DERL1: variants seen among roughly 807,000 people sequenced by gnomAD.
The protein encoded by DERL1 is derlin-1.
A neutral mutation model predicts 41.6 loss-of-function variants in DERL1; 24 were observed. That is an observed-to-expected ratio of 0.58 (90% CI 0.42 to 0.81). The LOEUF is 0.81. Ranked by LOEUF, DERL1 falls within the 30% of genes least tolerant of loss-of-function variation. The pLI is 0.00. For missense variants in DERL1, 260 were observed against 314.3 expected (o/e 0.83, Z 1.31); for synonymous variants, 124 against 112.5 (o/e 1.10, Z -0.65).
intron 2 of DERL1, 54 bp downstream of exon 2, chr8:123,030,551 A>T: frequency 7.8e-7 from 1 of 1,289,630 alleles, no homozygotes; most frequent in East Asian, 2.4e-5. Flanking sequence ...AAGTAAACAC[A>T]TGGATTAGTA....
At chr8:123,027,325 TG>T (rs1812723006) in intron 2 of DERL1, among the ~76,000 whole-genome samples, 1 of 107,338 alleles carries the variant, frequency 9.3e-6, no homozygotes, top group Non-Finnish European at 1.9e-5. Flanking sequence ...AAAAATTTAG[TG>T]GTCTCCTAAG....
intron 7 of DERL1, 142 bp from the exon 8 acceptor site, chr8:123,015,727 T>A: frequency 9.2e-7 from 1 of 1,087,960 alleles, no homozygotes; most frequent in Non-Finnish European, 1.3e-6. Flanking sequence ...ACGTCTTATT[T>A]AACTTTGTCT....
chr8:123,026,285 C>T (rs1254783094), intron 2 of DERL1, among the ~76,000 whole-genome samples: 1 of 152,076 alleles, frequency 6.6e-6, no homozygotes, highest in African/African-American at 2.4e-5. Flanking sequence ...CACAATTTCC[C>T]GATTTTAATA....
intron 1 of DERL1, among the ~76,000 whole-genome samples, chr8:123,034,724 T>C (rs897936521): frequency 7.2e-5 from 11 of 152,224 alleles, no homozygotes; most frequent in Non-Finnish European, 1.5e-5. Context: ...CAGACACTTG[T>C]GTAATCCTGA....
chr8:123,030,555 A>G (rs1299208470), intron 2 of DERL1, 50 bp downstream of exon 2: 1 of 1,313,474 alleles, frequency 7.6e-7, no homozygotes, highest in Non-Finnish European at 1.1e-6. Flanking sequence ...AAACACATGG[A>G]TTAGTAAATG....
chr8:123,028,942 C>T (rs1040588280), intron 2 of DERL1, among the ~76,000 whole-genome samples: 10 of 151,994 alleles, frequency 6.6e-5, no homozygotes, highest in African/African-American at 1.2e-4. Context: ...CGGTTTAACA[C>T]CCATCCTTGT....
intron 7 of DERL1, 54 bp from the exon 8 acceptor site, chr8:123,015,639 A>G (rs1440343423): frequency 7.1e-6 from 11 of 1,552,140 alleles, no homozygotes; most frequent in Non-Finnish European, 9.6e-6. Flanking sequence ...AGTCACTTCC[A>G]CATAGTTATC....
chr8:123,030,537 T>C (rs1280669480), intron 2 of DERL1, 68 bp downstream of exon 2: 8 of 1,202,102 alleles, frequency 6.7e-6, no homozygotes, highest in Non-Finnish European at 9.5e-6. Context: ...TCCAAATTCC[T>C]CCAAAGTAAA....
chr8:123,025,993 G>T (rs777771207), intron 2 of DERL1, among the ~76,000 whole-genome samples: 1 of 148,990 alleles, frequency 6.7e-6, no homozygotes, highest in African/African-American at 2.5e-5. Flanking sequence ...AAAAAAAAAA[G>T]AAACAGAAAT....
At chr8:123,036,883 T>C (rs774877332) in intron 1 of DERL1, among the ~76,000 whole-genome samples, 63 of 152,204 alleles carry the variant, frequency 4.1e-4, no homozygotes, top group Non-Finnish European at 8.2e-4. Flanking sequence ...TTAAATGTGA[T>C]ATATAAGCAA....
chr8:123,019,090 C>A, intron 7 of DERL1, 105 bp downstream of exon 7: 1 of 780,322 alleles, frequency 1.3e-6, no homozygotes, highest in Non-Finnish European at 2.2e-6. Context: ...GTTTCTCCAG[C>A]AGATGGGGCA....
At chr8:123,019,328 T>C in intron 6 of DERL1, 23 bp from the exon 7 acceptor site, 1 of 1,539,848 alleles carries the variant, frequency 6.5e-7, no homozygotes, top group East Asian at 2.2e-5. Flanking sequence ...CCAAATGAGT[T>C]TAAAGACATT....
At position 123,042,156 on chromosome 8, in the gene DERL1, C is replaced by T. The variant is rs751005172; in HGVS notation, c.-34G>A. The T allele has an allele frequency of 1.9e-6, 3 of 1,562,520 alleles. No homozygotes were observed. The highest frequency in any genetic ancestry group is 2.4e-5 in the East Asian group (1 of 42,248). On this transcript the variant is annotated 5_prime_UTR_variant, in exon 1 of 8. Coordinates refer to ENST00000259512, the MANE Select transcript of DERL1 (RefSeq NM_024295.6). Reference sequence around the variant, plus strand: ...CACAGGTAGCCAAGATGCACAAGACCGCCCGACTCCCCGTGCCGACCCCCT... The same window carrying T: ...CACAGGTAGCCAAGATGCACAAGACTGCCCGACTCCCCGTGCCGACCCCCT...
intron 1 of DERL1, among the ~76,000 whole-genome samples, chr8:123,040,609 T>C (rs138050221): frequency 1.3e-5 from 2 of 152,304 alleles, no homozygotes; most frequent in East Asian, 1.9e-4. Context: ...CAGGACTTGA[T>C]GTAGGTTTTA....
At chr8:123,016,370 T>C (rs572064281) in intron 7 of DERL1, 85 of 152,330 alleles carry the variant, frequency 5.6e-4, no homozygotes, top group African/African-American at 1.8e-3. Flanking sequence ...ATGTTTAAAA[T>C]TTTGCTTGAA....
At chr8:123,036,618 T>G (rs1484312938) in intron 1 of DERL1, among the ~76,000 whole-genome samples, 1 of 152,178 alleles carries the variant, frequency 6.6e-6, no homozygotes, top group Non-Finnish European at 1.5e-5. Flanking sequence ...AAAAGTTTTT[T>G]AAAAAGCCAC....
Position 123,025,058 on chromosome 8 carries a change from CAA to C in DERL1, c.266-10_266-9del. 2 of 1,611,794 alleles carry C rather than the reference CAA, an allele frequency of 1.2e-6. No individual in the cohort carries two copies. Among genetic ancestry groups the C allele is most frequent in the South Asian group, 2.2e-5 (2 of 90,578 alleles). On this transcript the variant is annotated splice_polypyrimidine_tract_variant and intron_variant, in intron 2 of 7. Transcript: ENST00000259512. ...GCCTCCCATCAAAAGCTCCTGGAAA[CAA>C]AAACAAGCCAAATGTCATGGTTCAG...
chr8:123,025,182 A>C, intron 2 of DERL1, 132 bp from the exon 3 acceptor site: 1 of 919,640 alleles, frequency 1.1e-6, no homozygotes, highest in Non-Finnish European at 1.6e-6. Flanking sequence ...CCTCTCTAAA[A>C]AAGTGAATTT....
intron 7 of DERL1, chr8:123,017,003 C>G (rs1225389161): frequency 6.6e-6 from 1 of 152,172 alleles, no homozygotes; most frequent in African/African-American, 2.4e-5. Context: ...CCATGTCCAG[C>G]TAATTTTTGT....
Sources: gnomAD v4.1 joint callset for allele counts (sites outside exome capture counted in the v4.1 genomes callset) on GRCh38, gnomAD v4.1.1 for gene constraint, MANE v1.5 for transcripts, NCBI Gene and HGNC (gene_info 2026-07-23, HGNC 2026-07-21) for gene names.